Variants in TNNT2 observed in about 807,000 individuals in gnomAD.
TNNT2 encodes troponin T, cardiac muscle.
In TNNT2, 34 loss-of-function variants were observed where a neutral mutation model predicts 62.4. The observed-to-expected ratio is 0.54, with a 90% CI of 0.41 to 0.72. TNNT2 has a LOEUF of 0.72. Ranked by LOEUF, TNNT2 falls within the 30% of genes least tolerant of loss-of-function variation. TNNT2 has a pLI of 0.00. For synonymous variants in TNNT2, 123 were observed against 127.2 expected, an observed-to-expected ratio of 0.97 and a Z score of 0.22; for missense variants, 275 against 381.9, an observed-to-expected ratio of 0.72 and a Z score of 2.33.
chr1:201,364,268 C>T lies in TNNT2; in HGVS notation c.489+30G>A, dbSNP rs1571620780. On this transcript the variant is annotated intron_variant, in intron 11 of 16. Coordinates refer to ENST00000656932, the MANE Select transcript of TNNT2 (RefSeq NM_001276345.2). ...AGCAGGAGCTGGGAGCATGGGGGGC[C>T]TCCATGGGCCTGGGCTAGGGGTCAC... 2.5e-6 allele frequency: 4 copies of T among 1,605,454 alleles called. No homozygotes were observed. The East Asian group carries it at 6.7e-5, about 27-fold the overall frequency.
chr1:201,363,386 C>T lies in TNNT2; in HGVS notation c.510G>A (p.Glu170=). ...CAGCCTTCCTCCTGTTCTCCTCCTC[C>T]TCTCGTCGAGCCCTCTCTTCCTGAT... is the stretch of plus-strand genomic sequence containing the variant. ...NRLAEERARR[E]EEENRRKAED... The change falls in exon 12 of 17, where the codon GAG becomes GAA. Residue 170 remains glutamate, a synonymous_variant. Coordinates refer to ENST00000656932, the MANE Select transcript of TNNT2 (RefSeq NM_001276345.2). 1 of 1,614,210 alleles carries T rather than the reference C, an allele frequency of 6.2e-7. No homozygotes were observed. Among genetic ancestry groups the T allele is most frequent in the Non-Finnish European group, 8.5e-7 (1 of 1,180,036 alleles).
intron 10 of TNNT2, among the ~76,000 whole-genome samples, chr1:201,364,954 C>T (rs1311498822): frequency 6.6e-6 from 1 of 152,174 alleles, no homozygotes; most frequent in African/African-American, 2.4e-5. Context: ...ACAGATCAGA[C>T]TCAGCTCTGG....
At chr1:201,369,982 A>T (rs1471656088) in intron 4 of TNNT2, 137 bp from the exon 5 acceptor site, 1 of 917,556 alleles carries the variant, frequency 1.1e-6, no homozygotes, top group African/African-American at 1.6e-5. Flanking sequence ...CGGCATTCCA[A>T]TTCCCAAGCC....
chr1:201,359,556 G>T, intron 16 of TNNT2, 67 bp downstream of exon 16: 1 of 1,485,080 alleles, frequency 6.7e-7, no homozygotes, highest in Middle Eastern at 1.7e-4. Flanking sequence ...GGAGGAATGG[G>T]ATAGCTGGAA....
intron 16 of TNNT2, 121 bp from the exon 17 acceptor site, chr1:201,359,376 C>A: frequency 8.1e-7 from 1 of 1,237,572 alleles, no homozygotes; most frequent in Non-Finnish European, 1.2e-6. Context: ...CCTCCAGGGG[C>A]AGAATAGGAC....
chr1:201,364,878 C>A (rs764311677), intron 10 of TNNT2, among the ~76,000 whole-genome samples: 25 of 152,112 alleles, frequency 1.6e-4, no homozygotes, highest in Non-Finnish European at 3.1e-4. Flanking sequence ...GCAGGGGTGG[C>A]GCAGCAGGCC....
At chr1:201,365,362 A>G in intron 9 of TNNT2, 55 bp from the exon 10 acceptor site, 9 of 1,496,814 alleles carry the variant, frequency 6.0e-6, no homozygotes, top group Non-Finnish European at 8.4e-6. Flanking sequence ...TCCAGAGGAG[A>G]GATGGGTGGG....
At chr1:201,365,738 G>T in intron 8 of TNNT2, 68 bp from the exon 9 acceptor site, 1 of 1,592,112 alleles carries the variant, frequency 6.3e-7, no homozygotes, top group African/African-American at 1.3e-5. Flanking sequence ...GTCCAGGACA[G>T]GCAGGGCCCT....
Position 201,365,639 on chromosome 1 carries a change from T to A in TNNT2, c.265A>T (p.Ile89Phe), listed in dbSNP as rs746297911. The A allele has an allele frequency of 1.2e-6, 2 of 1,614,032 alleles. No homozygotes were observed. The highest frequency in any genetic ancestry group is 2.2e-5 in the South Asian group (2 of 91,032). The change falls in exon 9 of 17, where the codon ATC becomes TTC. Residue 89 changes from isoleucine (I) to phenylalanine (F), a missense_variant. Ile to Phe is a conservative substitution (Grantham distance 21). Coordinates refer to ENST00000656932, the MANE Select transcript of TNNT2 (RefSeq NM_001276345.2). ...SFMPNLVPPK[I>F]PDGERVDFDD... ...AAGTCCACTCTCTCTCCATCGGGGA[T>A]CTTGGGAGGCACCAAGTTGGGCATG... is the stretch of plus-strand genomic sequence containing the variant.
At chr1:201,371,138 G>T (rs1660552286) in intron 4 of TNNT2, among the ~76,000 whole-genome samples, 1 of 152,162 alleles carries the variant, frequency 6.6e-6, no homozygotes, top group Non-Finnish European at 1.5e-5. Context: ...GACCTTCATA[G>T]AGACCCTTCT....
intron 13 of TNNT2, 115 bp from the exon 14 acceptor site, chr1:201,362,137 C>T: frequency 2.4e-6 from 3 of 1,266,922 alleles, no homozygotes; most frequent in Non-Finnish European, 3.4e-6. Flanking sequence ...GGTTCTTATG[C>T]TCTTCTTCCT....
At chr1:201,372,002 C>T in intron 4 of TNNT2, 25 bp downstream of exon 4, 2 of 1,613,960 alleles carry the variant, frequency 1.2e-6, no homozygotes, top group South Asian at 2.2e-5. Context: ...CCCTTTCTGG[C>T]TCTCCACCTG....
intron 12 of TNNT2, among the ~76,000 whole-genome samples, chr1:201,362,892 T>C (rs1892027): frequency 0.74 from 112,549 of 152,050 alleles, 41,780 homozygotes; most frequent in South Asian, 0.82. Context: ...GCAATATGAG[T>C]GCCAGTTGAG....
At chr1:201,361,647 T>C (rs540760976) in intron 14 of TNNT2, among the ~76,000 whole-genome samples, 122 of 152,290 alleles carry the variant, frequency 8.0e-4, no homozygotes, top group Admixed American at 1.9e-3. Context: ...TCTAGTTCAA[T>C]CCCCTGTCCT....
At position 201,372,647 on chromosome 1, in the gene TNNT2, C is replaced by T. The variant is rs189004061; in HGVS notation, c.42-492G>A. 1.9e-3 allele frequency among the ~76,000 whole-genome samples: 283 copies of T among 152,346 alleles called. 1 individual carries two copies. The Middle Eastern group carries it at 0.02, about 11-fold the overall frequency. ...TTTCTTCTCCCAGTTTATGTCTTAA[C>T]ATCTCAACAAGAGTAAGTTCTGTGA... On this transcript the variant is annotated intron_variant, in intron 2 of 16. Coordinates refer to ENST00000656932, the MANE Select transcript of TNNT2 (RefSeq NM_001276345.2).
intron 1 of TNNT2, among the ~76,000 whole-genome samples, chr1:201,376,902 G>T (rs377559830): frequency 1.3e-5 from 2 of 152,234 alleles, no homozygotes; most frequent in Non-Finnish European, 2.9e-5. Flanking sequence ...CCAAGGACAG[G>T]TTCTCCCAGT....
chr1:201,377,662 C>A lies in TNNT2; in HGVS notation c.-54G>T, dbSNP rs1191342618. ...TGCCGACAGATCCTGGAGGCGTCTGCTCAGTCTCAGCGGGGACTGGGTGAG... is the reference window on the plus strand; with the variant it reads ...TGCCGACAGATCCTGGAGGCGTCTGATCAGTCTCAGCGGGGACTGGGTGAG... On this transcript the variant is annotated 5_prime_UTR_variant, in exon 1 of 17. Coordinates refer to ENST00000656932, the MANE Select transcript of TNNT2 (RefSeq NM_001276345.2). 2.2e-6 allele frequency: 1 copy of A among 456,168 alleles called. No homozygotes were observed. 28.3% of individuals were successfully genotyped at this position (456,168 alleles called of 1,614,324 possible).
chr1:201,361,064 C>T, intron 15 of TNNT2: 1 of 659,936 alleles, frequency 1.5e-6, no homozygotes, highest in South Asian at 1.6e-5. Context: ...CTGCTCAGCC[C>T]CAGCGAGCTC....
At chr1:201,363,883 T>A (rs892646822) in intron 11 of TNNT2, 4 of 250,242 alleles carry the variant, frequency 1.6e-5, no homozygotes, top group Admixed American at 1.4e-4. Flanking sequence ...TTGTCTCTTT[T>A]TTTTCCTTTT....
Sources: allele counts gnomAD v4.1 joint callset (sites outside exome capture counted in the v4.1 genomes callset), GRCh38; gene constraint gnomAD v4.1.1; transcripts MANE v1.5; gene names NCBI Gene and HGNC (gene_info 2026-07-23, HGNC 2026-07-21).